CDC25C: variants seen among roughly 807,000 people sequenced by gnomAD.
CDC25C encodes the protein M-phase inducer phosphatase 3.
A neutral mutation model predicts 52.5 loss-of-function variants in CDC25C; 48 were observed. The observed-to-expected ratio is 0.91, with a 90% CI of 0.72 to 1.16. The LOEUF (loss-of-function observed/expected upper bound fraction) is 1.16, where lower values mean the gene tolerates loss of function less well. CDC25C is among the 50% of genes most tolerant of loss of function. The pLI is 0.00. For missense variants in CDC25C, 510 were observed against 566.1 expected (o/e 0.90, Z 1.01); for synonymous variants, 187 against 206.5 (o/e 0.91, Z 0.81).
chr5:138,297,303 G>A (rs972295234), intron 7 of CDC25C, among the ~76,000 whole-genome samples: 5 of 151,164 alleles, frequency 3.3e-5, no homozygotes, highest in Admixed American at 6.6e-5. Context: ...TCAAGTGATC[G>A]GCCCACCTCG....
chr5:138,312,317 C>T (rs934442041), intron 7 of CDC25C, among the ~76,000 whole-genome samples: 4 of 152,126 alleles, frequency 2.6e-5, no homozygotes, highest in Non-Finnish European at 5.9e-5. Flanking sequence ...CTGCAGTGAG[C>T]CATGATCACA....
intron 7 of CDC25C, among the ~76,000 whole-genome samples, chr5:138,318,223 G>T (rs1759057604): frequency 1.3e-5 from 2 of 152,142 alleles, no homozygotes; most frequent in Non-Finnish European, 2.9e-5. Context: ...TGAGGCAAGA[G>T]AATCACTTAA....
At chr5:138,326,842 C>T (rs1759903888) in intron 4 of CDC25C, among the ~76,000 whole-genome samples, 1 of 149,374 alleles carries the variant, frequency 6.7e-6, no homozygotes, top group Admixed American at 6.8e-5. Flanking sequence ...ATCCCAGCTA[C>T]TTGGGAGCCT....
intron 4 of CDC25C, among the ~76,000 whole-genome samples, chr5:138,326,917 A>C (rs1398310826): frequency 7.3e-6 from 1 of 137,158 alleles, no homozygotes. Context: ...GCGCCATTGC[A>C]CTTAAGCCTA....
intron 6 of CDC25C, among the ~76,000 whole-genome samples, chr5:138,319,696 T>C: frequency 6.6e-6 from 1 of 152,102 alleles, no homozygotes; most frequent in Non-Finnish European, 1.5e-5. Context: ...TACAACTCAG[T>C]AACAACAACA....
chr5:138,337,617 G>A, intron 1 of CDC25C: 1 of 303,536 alleles, frequency 3.3e-6, no homozygotes, highest in South Asian at 2.7e-5. Context: ...AAGTGTTCTG[G>A]GTGAGGGCAA....
intron 1 of CDC25C, chr5:138,337,755 A>C (rs1055086150): frequency 2.8e-6 from 1 of 356,130 alleles, no homozygotes; most frequent in Non-Finnish European, 5.3e-6. Flanking sequence ...CGCTTGGACC[A>C]CACTTCCCAG....
upstream of CDC25C, chr5:138,335,223 G>C (rs1358826835): frequency 6.6e-6 from 1 of 152,366 alleles, no homozygotes; most frequent in African/African-American, 2.4e-5. Context: ...AGCCTCTGCA[G>C]GGCAGAGGGG....
chr5:138,295,572 C>T (rs1757117635), intron 7 of CDC25C, among the ~76,000 whole-genome samples: 1 of 151,220 alleles, frequency 6.6e-6, no homozygotes, highest in African/African-American at 2.4e-5. Context: ...GTGATCATGC[C>T]ACTGCATTCC....
intron 12 of CDC25C, 84 bp from the exon 13 acceptor site, chr5:138,286,217 G>C (rs1290822254): frequency 9.3e-7 from 1 of 1,080,264 alleles, no homozygotes; most frequent in East Asian, 2.4e-5. Context: ...GGGGGGAGAG[G>C]AGTAGACTAT....
chr5:138,308,606 A>G (rs1758212141), intron 7 of CDC25C, among the ~76,000 whole-genome samples: 1 of 152,030 alleles, frequency 6.6e-6, no homozygotes, highest in African/African-American at 2.4e-5. Flanking sequence ...TCTACTGCCC[A>G]TTATCAGCAA....
intron 10 of CDC25C, 147 bp from the exon 11 acceptor site, chr5:138,287,414 G>C: frequency 1.7e-6 from 1 of 578,072 alleles, no homozygotes; most frequent in East Asian, 2.8e-5. Flanking sequence ...ATGTGGCAAT[G>C]ATTCAGCCCC....
intron 7 of CDC25C, among the ~76,000 whole-genome samples, chr5:138,297,462 G>A (rs1164317452): frequency 6.6e-6 from 1 of 152,030 alleles, no homozygotes; most frequent in Admixed American, 6.6e-5. Context: ...TCTTTGTTAG[G>A]CCTCCTTACC....
chr5:138,294,183 T>C (rs182287072), intron 7 of CDC25C, among the ~76,000 whole-genome samples: 2 of 151,278 alleles, frequency 1.3e-5, no homozygotes, highest in African/African-American at 2.4e-5. Context: ...CTGACTACCA[T>C]GCTTGGCTAA....
At chr5:138,337,308 G>C (rs927226030) in intron 1 of CDC25C, among the ~76,000 whole-genome samples, 1 of 152,176 alleles carries the variant, frequency 6.6e-6, no homozygotes, top group African/African-American at 2.4e-5. Context: ...TTTGGCTCAT[G>C]TGGGAGGTGG....
At chr5:138,331,924 G>A, upstream of CDC25C, 5 of 984,908 alleles carry the variant, frequency 5.1e-6, no homozygotes, top group Non-Finnish European at 6.0e-6. Context: ...ATGGCCTATC[G>A]TTGGGCTCGC....
intron 4 of CDC25C, among the ~76,000 whole-genome samples, chr5:138,327,225 A>C (rs1254194271): frequency 6.6e-6 from 1 of 151,356 alleles, no homozygotes; most frequent in African/African-American, 2.4e-5. Context: ...ACTGCACTCC[A>C]TCCTGGCAAC....
At chr5:138,326,595 C>A (rs937437067) in intron 4 of CDC25C, among the ~76,000 whole-genome samples, 8 of 152,132 alleles carry the variant, frequency 5.3e-5, no homozygotes, top group Admixed American at 1.3e-4. Context: ...CCCGCCTCAG[C>A]CTCCCAAACT....
exon 1 of CDC25C, chr5:138,338,077 C>T (rs1760841435): frequency 7.8e-7 from 1 of 1,289,686 alleles, no homozygotes; most frequent in African/African-American, 1.5e-5. Flanking sequence ...ATCCCTAAAT[C>T]AAAGCGCCAG....
Sources: gnomAD v4.1 joint callset for allele counts (sites outside exome capture counted in the v4.1 genomes callset) on GRCh38, gnomAD v4.1.1 for gene constraint, MANE v1.5 for transcripts, NCBI Gene and HGNC (gene_info 2026-07-23, HGNC 2026-07-21) for gene names.